GREB1: variants seen among roughly 807,000 people sequenced by gnomAD.
The protein encoded by GREB1 is protein GREB1.
A neutral mutation model predicts 200.7 loss-of-function variants in GREB1; 106 were observed. That is an observed-to-expected ratio of 0.53 (90% CI 0.45 to 0.62). The LOEUF (loss-of-function observed/expected upper bound fraction) is 0.62, where lower values mean the gene tolerates loss of function less well. Among genes scored for constraint, GREB1 ranks in the 20% least tolerant of loss-of-function variants. The pLI is 0.00. For missense variants in GREB1, 2,243 were observed against 2,556.8 expected (o/e 0.88, Z 2.65); for synonymous variants, 1,132 against 1,092.4 (o/e 1.04, Z -0.72).
At chr2:11,486,928 T>C (rs907787776) in intron 1 of GREB1, among the ~76,000 whole-genome samples, 3 of 152,108 alleles carry the variant, frequency 2.0e-5, no homozygotes, top group Non-Finnish European at 4.4e-5. Flanking sequence ...ATAGTTACTC[T>C]GAACACTTTG....
chr2:11,519,153 C>A (rs1462037117), intron 1 of GREB1, among the ~76,000 whole-genome samples: 1 of 150,596 alleles, frequency 6.6e-6, no homozygotes, highest in Non-Finnish European at 1.5e-5. Context: ...TTTTCCTTGG[C>A]AGATGTCTTC....
At chr2:11,510,917 C>T (rs1673331598) in intron 1 of GREB1, among the ~76,000 whole-genome samples, 2 of 152,286 alleles carry the variant, frequency 1.3e-5, no homozygotes, top group South Asian at 4.1e-4. Flanking sequence ...AGGTGATCTG[C>T]CTATCTCTGC....
At chr2:11,500,986 A>G (rs1188314931) in intron 1 of GREB1, among the ~76,000 whole-genome samples, 1 of 152,160 alleles carries the variant, frequency 6.6e-6, no homozygotes, top group Non-Finnish European at 1.5e-5. Flanking sequence ...AGTTCAAGCT[A>G]TGATGTGACT....
Position 11,640,227 on chromosome 2 carries a change from C to T in GREB1, c.5687-64C>T. ...CTTGTCATTGCAAGTAGAATCCGGG[C>T]AGCCGCTTTCCTCTGGATAAACTCA... On this transcript the variant is annotated intron_variant, in intron 32 of 32. Coordinates refer to ENST00000381486, the MANE Select transcript of GREB1 (RefSeq NM_014668.4). This position sits in a 1 kb window ranked among gnomAD's most constrained non-coding sequence, Gnocchi z 4.6. 1 of 1,502,328 alleles carries T rather than the reference C, an allele frequency of 6.7e-7. No homozygotes were observed. The highest frequency in any genetic ancestry group is 9.0e-7 in the Non-Finnish European group (1 of 1,110,816). 93.1% of individuals were successfully genotyped at this position (1,502,328 alleles called of 1,614,324 possible).
At position 11,612,375 on chromosome 2, in the gene GREB1, T is replaced by C. The variant is rs1416266896; in HGVS notation, c.3007-120T>C. ...TTTGCAGTCTAAAGAAATTTCCTTT[T>C]GGTCAGAAGATATAGTTCAAGGAGT... On this transcript the variant is annotated intron_variant, in intron 18 of 32. Transcript: ENST00000381486. The C allele has an allele frequency of 5.6e-6, 8 of 1,423,908 alleles. No homozygotes were observed. In the African/African-American group the frequency reaches 1.0e-4, roughly 18 times the overall value. The allele number at this position is 1,423,908 out of a possible 1,614,324, so 88.2% of individuals were successfully genotyped here. A position where few individuals can be genotyped will look rare whatever the true frequency, so the allele number is the denominator to read the frequency against.
intron 30 of GREB1, among the ~76,000 whole-genome samples, chr2:11,637,123 G>A (rs1401354136): frequency 6.7e-6 from 1 of 148,922 alleles, no homozygotes; most frequent in Non-Finnish European, 1.5e-5. Flanking sequence ...AGTGGGTGAA[G>A]GTGCAGAAGG....
intron 1 of GREB1, among the ~76,000 whole-genome samples, chr2:11,544,186 CCCCTCTAGTCTGAGAG>C (rs1005283957): frequency 2.0e-5 from 3 of 152,018 alleles, no homozygotes; most frequent in Non-Finnish European, 4.4e-5. Flanking sequence ...GGATGCTTAA[CCCCTCTAGTCTGAGAG>C]CCTTTTATTT....
At chr2:11,612,684 G>C in intron 19 of GREB1, 74 bp downstream of exon 19, 3 of 927,168 alleles carry the variant, frequency 3.2e-6, no homozygotes, top group Non-Finnish European at 5.3e-6. Flanking sequence ...AGCATGTCAG[G>C]GGGGCTGCTG....
intron 1 of GREB1, among the ~76,000 whole-genome samples, chr2:11,523,254 G>A (rs1385045525): frequency 6.6e-6 from 1 of 152,020 alleles, no homozygotes; most frequent in Non-Finnish European, 1.5e-5. Context: ...AGGAGGGGGA[G>A]GATCAGAAAA....
Position 11,578,393 on chromosome 2 carries a change from G to T in GREB1, c.734G>T (p.Gly245Val). The stretch of plus-strand genomic sequence containing the variant: ...GCCTTCCCCAGCGAGCCCGTTCCTG[G>T]GACGAACCCCAGCATCCTGATGGGA... ...TAAFPSEPVP[G>V]TNPSILMGAQ... The change falls in exon 6 of 33, where the codon GGG (glycine) becomes GTG (valine). Residue 245 changes from glycine (G) to valine (V), a missense_variant. By Grantham distance (109) the Gly-to-Val change is moderately radical (BLOSUM62 -3). Transcript: ENST00000381486. 2 of 1,613,976 alleles carry T rather than the reference G, an allele frequency of 1.2e-6. No individual in the cohort carries two copies. Among genetic ancestry groups the T allele is most frequent in the Non-Finnish European group, 1.7e-6 (2 of 1,180,016 alleles).
intron 25 of GREB1, among the ~76,000 whole-genome samples, chr2:11,628,247 T>G (rs1684620858): frequency 6.6e-6 from 1 of 152,228 alleles, no homozygotes; most frequent in African/African-American, 2.4e-5. Flanking sequence ...GGATTTATTT[T>G]ACATTGAATA....
At chr2:11,533,493 C>T (rs534783806), upstream of GREB1, among the ~76,000 whole-genome samples, 271 of 152,296 alleles carry the variant, frequency 1.8e-3, 3 homozygotes, top group Non-Finnish European at 2.9e-5. Flanking sequence ...GGGGCAGGGA[C>T]TGGACCCAGG....
In GREB1 at chr2:11,615,484, A is replaced by G. The variant is rs1284993393; in HGVS notation, c.3322+194A>G. Among the ~76,000 whole-genome samples, 11 of 152,226 alleles carry G rather than the reference A, an allele frequency of 7.2e-5. 1 individual carries two copies. Reference sequence around the variant, plus strand: ...AAATGGCAGAGCTCTCACTGAATTCAGATTTTGTTTGTTTTCTCCCCATCT... The same window carrying G: ...AAATGGCAGAGCTCTCACTGAATTCGGATTTTGTTTGTTTTCTCCCCATCT... On this transcript the variant is annotated intron_variant, in intron 20 of 32. Coordinates refer to ENST00000381486, the MANE Select transcript of GREB1 (RefSeq NM_014668.4).
chr2:11,633,709 T>A lies in GREB1; in HGVS notation c.4992-422T>A, dbSNP rs1456680741. On this transcript the variant is annotated intron_variant, in intron 28 of 32. Transcript: ENST00000381486. This position sits in a 1 kb window ranked among gnomAD's most constrained non-coding sequence, Gnocchi z 4.1. ...AGCTAAGCACATTCATTTAACCTAC[T>A]CCGATATTAAGAAAGGGACATTGCT... Among the ~76,000 whole-genome samples the A allele has an allele frequency of 6.6e-6, 1 of 152,162 alleles. No individual in the cohort carries two copies. The highest frequency in any genetic ancestry group is 6.5e-5 in the Admixed American group (1 of 15,274).
In GREB1 at chr2:11,640,298, G is replaced by A. The variant is rs761557505; in HGVS notation, c.5694G>A (p.Thr1898=). ...CTGCCGTTGTCCACGCAGGTGCGAC[G>A]TTGTGTGTCATCTGTCAGGACCGGA... ...LKKFHFLKGA[T]LCVICQDRSS... Residue 1898 remains threonine (T), a synonymous_variant, in exon 33 of 33, where the codon ACG becomes ACA. Coordinates refer to ENST00000381486, the MANE Select transcript of GREB1 (RefSeq NM_014668.4). This position sits in a 1 kb window ranked among gnomAD's most constrained non-coding sequence, Gnocchi z 4.6. 22 of 1,610,932 alleles carry A rather than the reference G, an allele frequency of 1.4e-5. No homozygotes were observed. The Middle Eastern group carries it at 4.9e-4, about 36-fold the overall frequency.
chr2:11,591,517 A>G, intron 10 of GREB1: 1 of 706,692 alleles, frequency 1.4e-6, no homozygotes, highest in South Asian at 1.5e-5. Flanking sequence ...CAAATCACAA[A>G]TCAAGTCATC....
At chr2:11,612,861 C>T (rs763792753) in intron 19 of GREB1, among the ~76,000 whole-genome samples, 18 of 152,312 alleles carry the variant, frequency 1.2e-4, no homozygotes, top group Non-Finnish European at 2.2e-4. Flanking sequence ...CCAGGCTCTA[C>T]GGGTGGAGGC....
At chr2:11,509,825 C>G (rs192926856) in intron 1 of GREB1, among the ~76,000 whole-genome samples, 16 of 152,312 alleles carry the variant, frequency 1.1e-4, no homozygotes, top group African/African-American at 3.4e-4. Flanking sequence ...GTGCCATACC[C>G]TTGAACTTCC....
intron 1 of GREB1, among the ~76,000 whole-genome samples, chr2:11,521,537 T>G (rs1222791353): frequency 6.6e-6 from 1 of 152,214 alleles, no homozygotes; most frequent in Admixed American, 6.5e-5. Flanking sequence ...GCTTTTTAAC[T>G]TTGCAATTTT....
Sources: gnomAD v4.1 joint callset for allele counts (sites outside exome capture counted in the v4.1 genomes callset) on GRCh38, gnomAD v4.1.1 for gene constraint, Gnocchi (gnomAD v3.1) non-coding constraint, MANE v1.5 for transcripts, NCBI Gene and HGNC (gene_info 2026-07-23, HGNC 2026-07-21) for gene names.